Variants in PKNOX2 observed in about 807,000 individuals in gnomAD.
PKNOX2 encodes PBX/knotted 1 homeobox 2, also known as homeobox protein PKNOX2.
Under a neutral mutation model 53.1 loss-of-function variants are expected in PKNOX2, and 14 were observed. The ratio of observed to expected loss-of-function variants is 0.26; its 90% confidence interval spans 0.17 to 0.41. The LOEUF (loss-of-function observed/expected upper bound fraction) is 0.41. PKNOX2 is among the 10% of genes least tolerant of loss of function. PKNOX2 has a pLI of 1.00. For synonymous variants in PKNOX2, 257 were observed against 242.8 expected (o/e 1.06, Z -0.54); for missense variants, 496 against 602.8 (o/e 0.82, Z 1.85).
At chr11:125,190,649 A>G (rs1956824241) in intron 1 of PKNOX2, among the ~76,000 whole-genome samples, 1 of 150,970 alleles carries the variant, frequency 6.6e-6, no homozygotes, top group African/African-American at 2.4e-5. Context: ...CTGTCCCCCG[A>G]CCCTGCCCTG....
At chr11:125,209,880 C>T (rs590219) in intron 1 of PKNOX2, among the ~76,000 whole-genome samples, 41,829 of 151,988 alleles carry the variant, frequency 0.28, 6,359 homozygotes, top group South Asian at 0.37. Context: ...TCACCTCCAC[C>T]TGGTCTCTGC....
chr11:125,368,247 G>A (rs569201680), intron 5 of PKNOX2, among the ~76,000 whole-genome samples: 6 of 152,180 alleles, frequency 3.9e-5, no homozygotes, highest in Admixed American at 3.9e-4. Context: ...GACCCCTAAT[G>A]GGTATCAGAA....
At chr11:125,340,660 A>G (rs1422587530) in intron 3 of PKNOX2, among the ~76,000 whole-genome samples, 1 of 152,178 alleles carries the variant, frequency 6.6e-6, no homozygotes, top group Non-Finnish European at 1.5e-5. Context: ...CCACATCCAA[A>G]TTGGCTCCAG....
At chr11:125,334,852 C>T (rs1950346336) in intron 3 of PKNOX2, among the ~76,000 whole-genome samples, 1 of 152,102 alleles carries the variant, frequency 6.6e-6, no homozygotes, top group Non-Finnish European at 1.5e-5. Flanking sequence ...AATCTGCCTG[C>T]CTCGGCCTCC....
intron 1 of PKNOX2, among the ~76,000 whole-genome samples, chr11:125,214,960 C>T (rs948913781): frequency 7.9e-5 from 12 of 152,148 alleles, no homozygotes; most frequent in African/African-American, 2.9e-4. Context: ...CCTGCGGGGT[C>T]AGGGGCTGTG....
At chr11:125,238,321 A>G (rs1227660462) in intron 2 of PKNOX2, among the ~76,000 whole-genome samples, 1 of 152,214 alleles carries the variant, frequency 6.6e-6, no homozygotes, top group Non-Finnish European at 1.5e-5. Flanking sequence ...GTTTGGAGGA[A>G]GAGTCTTGGA....
chr11:125,344,626 G>C (rs1192562110), intron 3 of PKNOX2, among the ~76,000 whole-genome samples: 1 of 152,166 alleles, frequency 6.6e-6, no homozygotes, highest in African/African-American at 2.4e-5. Context: ...CACCTCCCAA[G>C]TTGGCTTCCC....
At chr11:125,285,865 G>A (rs1946863599) in intron 2 of PKNOX2, among the ~76,000 whole-genome samples, 1 of 152,178 alleles carries the variant, frequency 6.6e-6, no homozygotes, top group South Asian at 2.1e-4. Context: ...ATGCCCTTGA[G>A]GCTCTTTCCA....
intron 2 of PKNOX2, among the ~76,000 whole-genome samples, chr11:125,257,156 G>A (rs11219996): frequency 0.045 from 6,804 of 152,226 alleles, 216 homozygotes; most frequent in Non-Finnish European, 0.073. Context: ...TTTGGGGACT[G>A]TTTGCATCTG....
intron 2 of PKNOX2, among the ~76,000 whole-genome samples, chr11:125,275,664 A>G (rs181770562): frequency 6.6e-6 from 1 of 152,298 alleles, no homozygotes; most frequent in East Asian, 1.9e-4. Flanking sequence ...AGGAACCAAG[A>G]CTGATTTCTA....
At chr11:125,299,578 A>T (rs752853761) in intron 2 of PKNOX2, among the ~76,000 whole-genome samples, 2 of 152,184 alleles carry the variant, frequency 1.3e-5, no homozygotes, top group South Asian at 4.1e-4. Flanking sequence ...ACAATCCATT[A>T]GCATCTCTGA....
intron 2 of PKNOX2, among the ~76,000 whole-genome samples, chr11:125,323,690 G>T (rs1447862905): frequency 6.6e-6 from 1 of 152,182 alleles, no homozygotes; most frequent in African/African-American, 2.4e-5. Context: ...CTCCTGGAAG[G>T]CATGGAAGGA....
intron 2 of PKNOX2, among the ~76,000 whole-genome samples, chr11:125,329,072 T>C (rs1481759516): frequency 6.6e-6 from 1 of 152,188 alleles, no homozygotes; most frequent in Non-Finnish European, 1.5e-5. Context: ...GTGTTTATAA[T>C]AGCAAAAACT....
At chr11:125,412,262 G>A (rs968360188) in intron 10 of PKNOX2, among the ~76,000 whole-genome samples, 5 of 152,156 alleles carry the variant, frequency 3.3e-5, no homozygotes, top group African/African-American at 1.2e-4. Context: ...CCTCTCCCAT[G>A]GAAGAATGTG....
intron 3 of PKNOX2, among the ~76,000 whole-genome samples, chr11:125,334,561 G>A (rs977409911): frequency 5.3e-5 from 8 of 151,554 alleles, no homozygotes; most frequent in African/African-American, 1.7e-4. Flanking sequence ...GTGAGATTTG[G>A]GGCAAGTTAC....
rs184634634 is a variant in PKNOX2, at chr11:125,226,101, C to T, written c.-200-8944C>T. On this transcript the variant is annotated intron_variant, in intron 1 of 12. Coordinates refer to ENST00000298282, the MANE Select transcript of PKNOX2 (RefSeq NM_001382323.2). Reference sequence around the variant, plus strand: ...CAGCAATATTTACTTGCACAAGACACGTAATATTAACTTTTCAAAGTATGT... The same window carrying T: ...CAGCAATATTTACTTGCACAAGACATGTAATATTAACTTTTCAAAGTATGT... Among the ~76,000 whole-genome samples, 32 of 152,272 alleles carry T rather than the reference C, an allele frequency of 2.1e-4. No homozygotes were observed. In the East Asian group the frequency reaches 5.8e-3, roughly 28 times the overall value.
intron 2 of PKNOX2, among the ~76,000 whole-genome samples, chr11:125,316,133 C>T (rs554668023): frequency 9.6e-4 from 146 of 152,276 alleles, no homozygotes; most frequent in African/African-American, 3.4e-3. Flanking sequence ...GTGCGAAGGA[C>T]GCATGGAGGG....
intron 2 of PKNOX2, among the ~76,000 whole-genome samples, chr11:125,255,203 C>G (rs975195348): frequency 6.6e-6 from 1 of 152,196 alleles, no homozygotes; most frequent in Non-Finnish European, 1.5e-5. Context: ...GAAGATGAAA[C>G]GAGCGAATGC....
chr11:125,275,818 T>C lies in PKNOX2; in HGVS notation c.-130+40703T>C, dbSNP rs546139634. On this transcript the variant is annotated intron_variant, in intron 2 of 12. Coordinates refer to ENST00000298282, the MANE Select transcript of PKNOX2 (RefSeq NM_001382323.2). ...CTTTGAGACACTGAAGTAGAGGTGT[T>C]GAGTAGACAGTTGAATACAGATGTC... 2.0e-5 allele frequency among the ~76,000 whole-genome samples: 3 copies of C among 152,232 alleles called. No individual in the cohort carries two copies. The South Asian group carries it at 6.2e-4, about 32-fold the overall frequency.
Sources: allele counts gnomAD v4.1 joint callset (sites outside exome capture counted in the v4.1 genomes callset), GRCh38; gene constraint gnomAD v4.1.1; transcripts MANE v1.5; gene names NCBI Gene and HGNC (gene_info 2026-07-23, HGNC 2026-07-21).